Variants in ADCY1 observed in about 807,000 individuals in gnomAD.
The protein encoded by ADCY1 is adenylate cyclase 1.
A neutral mutation model predicts 105.4 loss-of-function variants in ADCY1; 28 were observed. That is an observed-to-expected ratio of 0.27 (90% CI 0.20 to 0.36). ADCY1 has a LOEUF of 0.36. Ranked by LOEUF, ADCY1 falls within the 10% of genes least tolerant of loss-of-function variation. The pLI is 1.00. For synonymous variants in ADCY1, 655 were observed against 623.8 expected, an observed-to-expected ratio of 1.05 and a Z score of -0.75; for missense variants, 977 against 1,434.2, an observed-to-expected ratio of 0.68 and a Z score of 5.15.
chr7:45,641,787 G>A (rs1490224379), intron 4 of ADCY1, among the ~76,000 whole-genome samples: 1 of 144,294 alleles, frequency 6.9e-6, no homozygotes, highest in African/African-American at 2.6e-5. Flanking sequence ...TTAGCCAGGC[G>A]CGGTGGCGGG....
chr7:45,640,425 TGGGATATCTTGAATA>T (rs544273061), intron 4 of ADCY1, among the ~76,000 whole-genome samples: 21 of 152,242 alleles, frequency 1.4e-4, no homozygotes, highest in South Asian at 2.1e-4. Context: ...CCTAAAAAGA[TGGGATATCTTGAATA>T]GGGATATCTT....
chr7:45,705,117 C>T (rs1785088982), intron 17 of ADCY1, among the ~76,000 whole-genome samples: 1 of 152,142 alleles, frequency 6.6e-6, no homozygotes, highest in South Asian at 2.1e-4. Context: ...GATTGAGATA[C>T]ATACACTGGT....
chr7:45,665,829 G>A (rs56348369), intron 8 of ADCY1, among the ~76,000 whole-genome samples: 24,006 of 152,150 alleles, frequency 0.16, 2,118 homozygotes, highest in African/African-American at 0.23. Context: ...TGGTTGCTGG[G>A]GACTTTATTT....
intron 2 of ADCY1, among the ~76,000 whole-genome samples, chr7:45,603,462 C>CT (rs138588830): frequency 7.9e-5 from 12 of 151,648 alleles, no homozygotes; most frequent in South Asian, 4.2e-4. Context: ...TATTCAGAAT[C>CT]TTTTTTTTTG....
At chr7:45,664,343 C>T in intron 8 of ADCY1, 1 of 1,536,114 alleles carries the variant, frequency 6.5e-7, no homozygotes, top group Non-Finnish European at 8.7e-7. Context: ...GTTTTGGTCT[C>T]CCACCCTGCA....
At chr7:45,670,366 C>T (rs537143710) in intron 8 of ADCY1, among the ~76,000 whole-genome samples, 36 of 152,344 alleles carry the variant, frequency 2.4e-4, no homozygotes, top group Admixed American at 7.2e-4. Context: ...AGTCAGTAAC[C>T]CAGGACACAG....
At chr7:45,600,382 C>G (rs368959580) in intron 2 of ADCY1, among the ~76,000 whole-genome samples, 1 of 152,124 alleles carries the variant, frequency 6.6e-6, no homozygotes, top group Non-Finnish European at 1.5e-5. Context: ...TGGAAGAGCC[C>G]GAGGAGCAGA....
chr7:45,639,161 C>T (rs1426338923), intron 4 of ADCY1, among the ~76,000 whole-genome samples: 2 of 152,158 alleles, frequency 1.3e-5, no homozygotes, highest in African/African-American at 4.8e-5. Context: ...AACATGTTTG[C>T]CTTAGTCTCG....
chr7:45,648,943 A>G (rs781561820), intron 5 of ADCY1, 146 bp downstream of exon 5: 46 of 967,392 alleles, frequency 4.8e-5, no homozygotes, highest in Non-Finnish European at 6.4e-5. Context: ...GCAGAGAATG[A>G]TGCCAGCATT....
chr7:45,610,769 A>AGTGGAGCTGTTGAGGTGATG (rs1793528418), intron 3 of ADCY1, among the ~76,000 whole-genome samples: 1 of 21,518 alleles, frequency 4.6e-5, no homozygotes. Context: ...TAGAGGTGAT[A>AGTGGAGCTGTTGAGGTGATG]GTGGAGGTGT....
chr7:45,662,311 G>C (rs1278013315), intron 8 of ADCY1, 97 bp downstream of exon 8: 1 of 1,332,934 alleles, frequency 7.5e-7, no homozygotes, highest in East Asian at 2.5e-5. Flanking sequence ...GGCTAGATCA[G>C]AATTCCCTGT....
In ADCY1 at chr7:45,703,662, T is replaced by C. The variant is rs977191970; in HGVS notation, c.2634T>C (p.Asn878=). 1.9e-6 allele frequency: 3 copies of C among 1,613,350 alleles called. No individual in the cohort carries two copies. The highest frequency in any genetic ancestry group is 2.5e-6 in the Non-Finnish European group (3 of 1,179,726). Reference sequence around the variant, plus strand: ...TGTTTGCCTCCATCCCCAACTTCAATGACTTCTACATCGAGCTGGACGGCA... The same window carrying C: ...TGTTTGCCTCCATCCCCAACTTCAACGACTTCTACATCGAGCTGGACGGCA... ...GVMFASIPNF[N]DFYIELDGNN... Residue 878 remains asparagine, a synonymous_variant, in exon 16 of 20, where the codon AAT becomes AAC. Transcript: ENST00000297323. This position sits in a 1 kb window ranked among gnomAD's most constrained non-coding sequence, Gnocchi z 5.9.
At chr7:45,596,244 A>G (rs749724210) in intron 2 of ADCY1, among the ~76,000 whole-genome samples, 116 of 152,192 alleles carry the variant, frequency 7.6e-4, no homozygotes, top group Non-Finnish European at 1.5e-3. Flanking sequence ...TTCATGACAC[A>G]TTTCCATTCA....
At chr7:45,632,207 C>A (rs1794276196) in intron 4 of ADCY1, among the ~76,000 whole-genome samples, 1 of 152,208 alleles carries the variant, frequency 6.6e-6, no homozygotes, top group Admixed American at 6.5e-5. Flanking sequence ...AAACCACACA[C>A]CCTGGCCCTG....
chr7:45,651,812 G>A (rs982199471), intron 5 of ADCY1, among the ~76,000 whole-genome samples: 1 of 152,180 alleles, frequency 6.6e-6, no homozygotes, highest in Admixed American at 6.5e-5. Flanking sequence ...GGAAGGAGAG[G>A]GGCCTGCAGG....
chr7:45,657,920 T>TGGG, intron 6 of ADCY1, 35 bp downstream of exon 6: 34 of 460,238 alleles, frequency 7.4e-5, no homozygotes, highest in East Asian at 1.8e-4. Flanking sequence ...GGGAGGGAGG[T>TGGG]GGGTGATGGC....
Position 45,703,559 on chromosome 7 carries a change from C to A in ADCY1, c.2572-41C>A, listed in dbSNP as rs377381131. Reference sequence around the variant, plus strand: ...TGCTCTGGCCACCCCACTTGGCGCTCACCTGGCTGACCCTTCCTGACCCAT... The same window carrying A: ...TGCTCTGGCCACCCCACTTGGCGCTAACCTGGCTGACCCTTCCTGACCCAT... On this transcript the variant is annotated intron_variant, in intron 15 of 19. Transcript: ENST00000297323. This position sits in a 1 kb window ranked among gnomAD's most constrained non-coding sequence, Gnocchi z 5.9. The A allele has an allele frequency of 7.4e-6, 12 of 1,611,958 alleles. No homozygotes were observed. The South Asian group carries it at 1.1e-4, about 15-fold the overall frequency.
intron 8 of ADCY1, chr7:45,664,602 G>A: frequency 9.6e-7 from 1 of 1,039,260 alleles, no homozygotes; most frequent in South Asian, 2.6e-5. Flanking sequence ...AAGCTATCAT[G>A]AACATTTTGT....
At chr7:45,705,385 G>A (rs145834489) in intron 17 of ADCY1, among the ~76,000 whole-genome samples, 40 of 152,254 alleles carry the variant, frequency 2.6e-4, no homozygotes, top group African/African-American at 9.1e-4. Context: ...AACTGCATTG[G>A]ATTTTTTCCA....
Sources: gnomAD v4.1 joint callset for allele counts (sites outside exome capture counted in the v4.1 genomes callset) on GRCh38, gnomAD v4.1.1 for gene constraint, Gnocchi (gnomAD v3.1) non-coding constraint, MANE v1.5 for transcripts, NCBI Gene and HGNC (gene_info 2026-07-23, HGNC 2026-07-21) for gene names.